BLTP3A: variants seen among roughly 807,000 people sequenced by gnomAD.
BLTP3A encodes the protein bridge-like lipid transfer protein family member 3A, also known as ICBP90 binding protein 1.
chr6:34,825,456 C>A, the BLTP3A span, among the ~76,000 whole-genome samples: 1 of 152,126 alleles, frequency 6.6e-6, no homozygotes, highest in Non-Finnish European at 1.5e-5. Flanking sequence ...TACAGGCATG[C>A]ACCACCAGGC....
At chr6:34,830,760 C>T in the BLTP3A span, among the ~76,000 whole-genome samples, 1 of 152,146 alleles carries the variant, frequency 6.6e-6, no homozygotes, top group African/African-American at 2.4e-5. Flanking sequence ...GTTATGGGTT[C>T]TGTTTTTGTA....
chr6:34,856,845 A>G, the BLTP3A span: 1 of 1,614,166 alleles, frequency 6.2e-7, no homozygotes, highest in Non-Finnish European at 8.5e-7. Context: ...CTCAGGGCAG[A>G]CAGCCTGCCT....
At chr6:34,833,639 A>G in the BLTP3A span, among the ~76,000 whole-genome samples, 1 of 152,080 alleles carries the variant, frequency 6.6e-6, no homozygotes, top group Non-Finnish European at 1.5e-5. Flanking sequence ...CTCATTAAAG[A>G]AAGTACTGTC....
At chr6:34,798,453 A>G in the BLTP3A span, among the ~76,000 whole-genome samples, 23 of 152,322 alleles carry the variant, frequency 1.5e-4, no homozygotes, top group African/African-American at 5.5e-4. Flanking sequence ...GCTTTAATGG[A>G]TACACTAAAC....
chr6:34,872,094 A>G, the BLTP3A span, among the ~76,000 whole-genome samples: 607 of 152,280 alleles, frequency 4.0e-3, 1 homozygote, highest in Middle Eastern at 0.014. Context: ...CTAGAGGATA[A>G]ATGTCAGGAG....
chr6:34,801,833 G>C, the BLTP3A span, among the ~76,000 whole-genome samples: 2 of 152,098 alleles, frequency 1.3e-5, no homozygotes, highest in Admixed American at 1.3e-4. Context: ...CCGCCTCCCG[G>C]TTCACGCCAT....
chr6:34,848,423 T>C, the BLTP3A span, among the ~76,000 whole-genome samples: 2 of 151,978 alleles, frequency 1.3e-5, no homozygotes, highest in South Asian at 4.1e-4. Flanking sequence ...CTGGCTAACA[T>C]GGCAAAATCC....
the BLTP3A span, among the ~76,000 whole-genome samples, chr6:34,868,648 G>A: frequency 6.6e-6 from 1 of 150,664 alleles, no homozygotes; most frequent in Non-Finnish European, 1.5e-5. Flanking sequence ...TGCTTGAACC[G>A]GGGAGGCGGA....
the BLTP3A span, among the ~76,000 whole-genome samples, chr6:34,806,375 G>A: frequency 2.2e-4 from 34 of 152,280 alleles, no homozygotes; most frequent in Non-Finnish European, 4.1e-4. Flanking sequence ...TGAATGTGCT[G>A]CTCTCTTAGG....
At chr6:34,808,273 G>C in the BLTP3A span, among the ~76,000 whole-genome samples, 3 of 148,888 alleles carry the variant, frequency 2.0e-5, no homozygotes, top group East Asian at 6.2e-4. Flanking sequence ...TTGAATCTGG[G>C]AGGCGGAGGT....
the BLTP3A span, among the ~76,000 whole-genome samples, chr6:34,853,357 G>GT: frequency 7.2e-5 from 11 of 151,784 alleles, no homozygotes; most frequent in East Asian, 1.6e-3. Flanking sequence ...ATACTCAGCT[G>GT]TTTTTTTTAT....
At chr6:34,846,337 GT>G in the BLTP3A span, among the ~76,000 whole-genome samples, 3 of 151,838 alleles carry the variant, frequency 2.0e-5, no homozygotes, top group East Asian at 5.8e-4. Context: ...TAGGGATGGG[GT>G]TTCACCATGT....
chr6:34,856,162 C>T, the BLTP3A span: 3 of 1,523,750 alleles, frequency 2.0e-6, no homozygotes, highest in African/African-American at 2.8e-5. Context: ...TGAACTATGA[C>T]TATACTGACA....
At chr6:34,846,685 A>C in the BLTP3A span, among the ~76,000 whole-genome samples, 3 of 152,116 alleles carry the variant, frequency 2.0e-5, no homozygotes, top group Non-Finnish European at 2.9e-5. Flanking sequence ...GATTTTTTCA[A>C]ATATAAGAGA....
the BLTP3A span, among the ~76,000 whole-genome samples, chr6:34,805,344 G>A: frequency 1.3e-5 from 2 of 151,984 alleles, no homozygotes; most frequent in Admixed American, 6.6e-5. Context: ...TGTAATCCTA[G>A]CACCTTGGGA....
chr6:34,858,818 A>G, the BLTP3A span: 4 of 1,614,100 alleles, frequency 2.5e-6, no homozygotes, highest in South Asian at 3.3e-5. Context: ...ATGCTTGTAC[A>G]TTCCCCGGCC....
the BLTP3A span, among the ~76,000 whole-genome samples, chr6:34,862,443 A>G: frequency 2.0e-5 from 3 of 152,332 alleles, no homozygotes; most frequent in African/African-American, 4.8e-5. Context: ...AAATGCTACA[A>G]ACATTTTTAA....
chr6:34,858,897 G>A, the BLTP3A span: 23 of 1,614,018 alleles, frequency 1.4e-5, no homozygotes, highest in Non-Finnish European at 1.9e-5. Flanking sequence ...TGCTGCAGAG[G>A]CTTCAGGAGC....
At chr6:34,860,620 A>G in the BLTP3A span, among the ~76,000 whole-genome samples, 1 of 152,168 alleles carries the variant, frequency 6.6e-6, no homozygotes, top group Non-Finnish European at 1.5e-5. Flanking sequence ...AGTACTTATA[A>G]TATTGGTCCA....
Sources: gnomAD v4.1 joint callset for allele counts (sites outside exome capture counted in the v4.1 genomes callset) on GRCh38, gnomAD v4.1.1 for gene constraint, MANE v1.5 for transcripts, NCBI Gene and HGNC (gene_info 2026-07-23, HGNC 2026-07-21) for gene names.